The following HLA-DPB1 variants were observed in gnomAD, a reference collection of about 807,000 sequenced individuals.
HLA-DPB1 encodes HLA class II histocompatibility antigen, DP beta 1 chain.
A neutral mutation model predicts 29.4 loss-of-function variants in HLA-DPB1; 30 were observed. The ratio of observed to expected loss-of-function variants is 1.02; its 90% CI spans 0.76 to 1.38. The LOEUF is 1.38. Ranked by LOEUF, HLA-DPB1 falls within the 40% of genes most tolerant of loss-of-function variation. The pLI is 0.00. For synonymous variants in HLA-DPB1, 114 were observed against 134.0 expected, an observed-to-expected ratio of 0.85 and a Z score of 1.03; for missense variants, 261 against 327.5, an observed-to-expected ratio of 0.80 and a Z score of 1.57.
At position 33,080,528 on chromosome 6, in the gene HLA-DPB1, G is replaced by GAA. The variant is rs1255064994; in HGVS notation, c.101-143_101-142dup. 1 of 1,214,698 alleles carries GAA rather than the reference G, an allele frequency of 8.2e-7. No homozygotes were observed. Among genetic ancestry groups the GAA allele is most frequent in the Non-Finnish European group, 1.2e-6 (1 of 840,142 alleles). The allele number at this position is 1,214,698 out of a possible 1,614,324, so 75.2% of individuals were successfully genotyped here. ...GCTCTGCGACCCGCTTAGGACCACA[G>GAA]AACTCGGTACTAGGAAAACTCCTAT... On this transcript the variant is annotated intron_variant, in intron 1 of 5. Coordinates refer to ENST00000418931, the MANE Select transcript of HLA-DPB1 (RefSeq NM_002121.6). This position sits in a 1 kb window ranked among gnomAD's most constrained non-coding sequence, Gnocchi z 4.3.
rs150519959 is a variant in HLA-DPB1, at chr6:33,084,849, A to AAAGGAAGGAAGGAAGG, written c.365-66_365-51dup. On this transcript the variant is annotated intron_variant, in intron 2 of 5. Coordinates refer to ENST00000418931, the MANE Select transcript of HLA-DPB1 (RefSeq NM_002121.6). ...AAAGAGCGAGATTATGTCTCAAAAA[A>AAAGGAAGGAAGGAAGG]AAGGAAGGAAGGAAGGAAGGAAGGA... The AAAGGAAGGAAGGAAGG allele has an allele frequency of 1.6e-4, 104 of 663,376 alleles. 7 individuals carry two copies. In the African/African-American group the frequency reaches 2.4e-3, roughly 16 times the overall value. 41.1% of individuals were successfully genotyped at this position (663,376 alleles called of 1,614,324 possible).
chr6:33,080,111 A>G lies in HLA-DPB1; in HGVS notation c.101-561A>G, dbSNP rs1402711812. Among the ~76,000 whole-genome samples, 1 of 152,212 alleles carries G rather than the reference A, an allele frequency of 6.6e-6. No individual in the cohort carries two copies. Among genetic ancestry groups the G allele is most frequent in the Non-Finnish European group, 1.5e-5 (1 of 68,036 alleles). On this transcript the variant is annotated intron_variant, in intron 1 of 5. Coordinates refer to ENST00000418931, the MANE Select transcript of HLA-DPB1 (RefSeq NM_002121.6). This position sits in a 1 kb window ranked among gnomAD's most constrained non-coding sequence, Gnocchi z 4.3. Reference sequence around the variant, plus strand: ...AGAAAGTTTTAAGAAATATATTTCTACATCTCCTACATGCAAAACAACAGG... The same window carrying G: ...AGAAAGTTTTAAGAAATATATTTCTGCATCTCCTACATGCAAAACAACAGG...
intron 4 of HLA-DPB1, 91 bp downstream of exon 4, chr6:33,085,980 C>A: frequency 2.2e-6 from 2 of 918,116 alleles, no homozygotes; most frequent in South Asian, 1.6e-5. Flanking sequence ...AAAGAAATGT[C>A]AGAAAGCTCT....
chr6:33,080,883 G>T lies in HLA-DPB1; in HGVS notation c.312G>T (p.Arg104Ser), dbSNP rs41545021. The T allele has an allele frequency of 8.1e-6, 13 of 1,600,214 alleles. No individual in the cohort carries two copies. The highest frequency in any genetic ancestry group is 1.1e-5 in the South Asian group (1 of 89,364). Reference protein sequence around the residue: ...ILEEKRAVPDRMCRHNYELGG... With the variant: ...ILEEKRAVPDSMCRHNYELGG... ...AGGAGAAGCGGGCAGTGCCGGACAG[G>T]ATGTGCAGACACAACTACGAGCTGG... The change falls in exon 2 of 6, where the codon AGG becomes AGT. Residue 104 changes from arginine (R) to serine (S), a missense_variant. Arg to Ser is a moderately radical substitution (Grantham distance 110, BLOSUM62 -1). Transcript: ENST00000418931. This position sits in a 1 kb window ranked among gnomAD's most constrained non-coding sequence, Gnocchi z 4.3.
At position 33,086,782 on chromosome 6, in the gene HLA-DPB1, T is replaced by C. The variant is rs1042634; in HGVS notation, c.*248T>C. 21,616 of 334,230 alleles carry C rather than the reference T, an allele frequency of 0.065. 2,449 individuals carry two copies. The highest frequency in any genetic ancestry group is 0.31 in the African/African-American group (13,554 of 43,742). 20.7% of individuals were successfully genotyped at this position (334,230 alleles called of 1,614,324 possible). ...AATCAAAACCCAACATGACTGTTTG[T>C]TTTCCTTTAAAAATATGCACCAAAT... On this transcript the variant is annotated 3_prime_UTR_variant, in exon 6 of 6. Coordinates refer to ENST00000418931, the MANE Select transcript of HLA-DPB1 (RefSeq NM_002121.6).
At chr6:33,086,193 A>G in intron 4 of HLA-DPB1, 26 bp from the exon 5 acceptor site, 2 of 1,547,302 alleles carry the variant, frequency 1.3e-6, no homozygotes, top group South Asian at 2.2e-5. Flanking sequence ...ATGGCTGATT[A>G]TATAACCTTT....
At chr6:33,084,389 G>A (rs1422872310) in intron 2 of HLA-DPB1, among the ~76,000 whole-genome samples, 1 of 125,758 alleles carries the variant, frequency 8.0e-6, no homozygotes, top group African/African-American at 3.7e-5. Context: ...TCTACTTGAA[G>A]GTCTATTTCT....
chr6:33,080,939 A>T lies in HLA-DPB1; in HGVS notation c.364+4A>T. On this transcript the variant is annotated splice_donor_region_variant and intron_variant, in intron 2 of 5. Coordinates refer to ENST00000418931, the MANE Select transcript of HLA-DPB1 (RefSeq NM_002121.6). This position sits in a 1 kb window ranked among gnomAD's most constrained non-coding sequence, Gnocchi z 4.3. ...CCCATGACCCTGCAGCGCCGAGGTG[A>T]GTGAGGGCTTTGGGCCGGCGGTCCC... The T allele has an allele frequency of 6.3e-7, 1 of 1,580,062 alleles. No individual in the cohort carries two copies. Among genetic ancestry groups the T allele is most frequent in the Non-Finnish European group, 8.6e-7 (1 of 1,164,144 alleles).
At position 33,086,936 on chromosome 6, in the gene HLA-DPB1, G is replaced by C; in HGVS notation, c.*402G>C. The C allele has an allele frequency of 4.1e-6, 1 of 245,848 alleles. No individual in the cohort carries two copies. Among genetic ancestry groups the C allele is most frequent in the South Asian group, 4.7e-5 (1 of 21,104 alleles). 15.2% of individuals were successfully genotyped at this position (245,848 alleles called of 1,614,324 possible). ...GATATGTTAACTATTGTATAATGGG[G>C]CCTGTTACACATGACACTCTTCTGA... is the stretch of plus-strand genomic sequence containing the variant. On this transcript the variant is annotated 3_prime_UTR_variant, in exon 6 of 6. Coordinates refer to ENST00000418931, the MANE Select transcript of HLA-DPB1 (RefSeq NM_002121.6).
chr6:33,077,628 ATT>A (rs1762612264), intron 1 of HLA-DPB1, among the ~76,000 whole-genome samples: 2 of 152,212 alleles, frequency 1.3e-5, no homozygotes, highest in Non-Finnish European at 2.9e-5. Flanking sequence ...TAGTTCAACC[ATT>A]GTACTCTCAG....
At chr6:33,084,842 TC>T in intron 2 of HLA-DPB1, 107 bp from the exon 3 acceptor site, 1 of 701,086 alleles carries the variant, frequency 1.4e-6, no homozygotes, top group Admixed American at 3.1e-5. Flanking sequence ...AGATTATGTC[TC>T]AAAAAAAAGG....
intron 2 of HLA-DPB1, among the ~76,000 whole-genome samples, chr6:33,082,570 A>C (rs1762920296): frequency 6.6e-6 from 1 of 152,194 alleles, no homozygotes. Flanking sequence ...ATGTGTCTTC[A>C]GAAGACTACT....
intron 2 of HLA-DPB1, chr6:33,081,159 C>T (rs1762846223): frequency 3.6e-6 from 2 of 557,976 alleles, no homozygotes; most frequent in Admixed American, 6.7e-5. Flanking sequence ...AGAGAGACCC[C>T]CGGGACTTCA....
At chr6:33,081,297 G>T (rs73402061) in intron 2 of HLA-DPB1, 33,241 of 255,006 alleles carry the variant, frequency 0.13, 4,149 homozygotes, top group African/African-American at 0.39. Flanking sequence ...CTACAGGGAG[G>T]TAGCTGGGTT....
In HLA-DPB1 at chr6:33,086,596, C is replaced by T. The variant is rs1042467; in HGVS notation, c.*62C>T. 0.19 allele frequency: 92,755 copies of T among 482,842 alleles called. 20,820 individuals are homozygous for T. Among genetic ancestry groups the T allele is most frequent in the African/African-American group, 0.52 (24,834 of 47,944 alleles). The allele number at this position is 482,842 out of a possible 1,614,324, so 29.9% of individuals were successfully genotyped here. ...CTTAGGAAAAGCATTTGCTGTGTTTCGTTAGCATCTGGCTCCAGGACAGAC... is the reference window on the plus strand; with the variant it reads ...CTTAGGAAAAGCATTTGCTGTGTTTTGTTAGCATCTGGCTCCAGGACAGAC... On this transcript the variant is annotated 3_prime_UTR_variant, in exon 6 of 6. Transcript: ENST00000418931.
chr6:33,078,567 C>T (rs1158708571), intron 1 of HLA-DPB1, among the ~76,000 whole-genome samples: 7 of 152,184 alleles, frequency 4.6e-5, no homozygotes, highest in East Asian at 1.9e-4. Context: ...GGTTTCAAAC[C>T]GTGCTCTGGG....
intron 1 of HLA-DPB1, among the ~76,000 whole-genome samples, chr6:33,077,067 C>G (rs2150367723): frequency 8.9e-6 from 1 of 112,390 alleles, no homozygotes; most frequent in South Asian, 3.8e-4. Context: ...TATCCCTCCC[C>G]CCTCCCCCCA....
chr6:33,086,804 A>G lies in HLA-DPB1; in HGVS notation c.*270A>G. On this transcript the variant is annotated 3_prime_UTR_variant, in exon 6 of 6. Coordinates refer to ENST00000418931, the MANE Select transcript of HLA-DPB1 (RefSeq NM_002121.6). ...TTGTTTTCCTTTAAAAATATGCACC[A>G]AATCATCTCTCATCACTTTTCTCTG... The G allele has an allele frequency of 3.0e-6, 1 of 336,706 alleles. No individual in the cohort carries two copies. 20.9% of individuals were successfully genotyped at this position (336,706 alleles called of 1,614,324 possible). A position where few individuals can be genotyped will look rare whatever the true frequency, so the allele number is the denominator to read the frequency against.
chr6:33,085,818 G>A lies in HLA-DPB1; in HGVS notation c.686G>A (p.Gly229Glu), dbSNP rs780522601. 4.3e-6 allele frequency: 7 copies of A among 1,614,128 alleles called. No individual in the cohort carries two copies. The highest frequency in any genetic ancestry group is 5.9e-6 in the Non-Finnish European group (7 of 1,180,000). ...TCTGCCCGGAGTAAGACATTGACGG[G>A]AGCTGGGGGCTTCGTGCTGGGGCTC... is the stretch of plus-strand genomic sequence containing the variant. The part of the protein sequence containing the change: ...SDSARSKTLT[G>E]AGGFVLGLII... The change falls in exon 4 of 6, where the codon GGA (glycine) becomes GAA (glutamate). Residue 229 changes from glycine (G) to glutamate (E), a missense_variant. By Grantham distance (98) the Gly-to-Glu change is moderately conservative (BLOSUM62 -2). Transcript: ENST00000418931.
Sources: allele counts gnomAD v4.1 joint callset (sites outside exome capture counted in the v4.1 genomes callset), GRCh38; gene constraint gnomAD v4.1.1; non-coding constraint Gnocchi (gnomAD v3.1); transcripts MANE v1.5; gene names NCBI Gene and HGNC (gene_info 2026-07-23, HGNC 2026-07-21).